NOS1: variants seen among roughly 807,000 people sequenced by gnomAD.
NOS1 encodes NOS type I.
NOS1 carries 51 observed loss-of-function variants against 164.5 expected under a neutral mutation model. That is an observed-to-expected ratio of 0.31 (90% CI 0.25 to 0.39). NOS1 has a LOEUF of 0.39. Among genes scored for constraint, NOS1 ranks in the 10% least tolerant of loss-of-function variants. NOS1 has a pLI of 1.00. For missense variants in NOS1, 1,362 were observed against 1,885.6 expected (o/e 0.72, Z 5.14); for synonymous variants, 719 against 745.8 (o/e 0.96, Z 0.59).
At chr12:117,271,871 A>G (rs1872814136) in intron 10 of NOS1, among the ~76,000 whole-genome samples, 1 of 152,264 alleles carries the variant, frequency 6.6e-6, no homozygotes, top group Non-Finnish European at 1.5e-5. Context: ...AGAAATGCTT[A>G]GAGTGGGGAA....
At chr12:117,302,594 C>CAAAAA (rs144113071) in intron 3 of NOS1, among the ~76,000 whole-genome samples, 1 of 72,922 alleles carries the variant, frequency 1.4e-5, no homozygotes, top group Non-Finnish European at 2.7e-5. Context: ...GACTCCGTCT[C>CAAAAA]AAAAAAAAAA....
intron 1 of NOS1, among the ~76,000 whole-genome samples, chr12:117,337,374 C>A (rs568575153): frequency 6.6e-6 from 1 of 152,216 alleles, no homozygotes; most frequent in South Asian, 2.1e-4. Context: ...CCTTGGCCTC[C>A]CAAAGTGCTG....
At position 117,236,696 on chromosome 12, in the gene NOS1, T is replaced by G. The variant is rs372346640; in HGVS notation, c.3042-1938A>C. Among the ~76,000 whole-genome samples, 7 of 152,298 alleles carry G rather than the reference T, an allele frequency of 4.6e-5. No homozygotes were observed. In the East Asian group the frequency reaches 1.2e-3, roughly 25 times the overall value. On this transcript the variant is annotated intron_variant, in intron 20 of 28. Transcript: ENST00000317775. The stretch of plus-strand genomic sequence containing the variant: ...CTGTGGGGTTTCTAATTTGGGAGCC[T>G]CCTAAGTCTACCCAAAGGAAGCCTT...
intron 17 of NOS1, among the ~76,000 whole-genome samples, chr12:117,248,724 G>C (rs1870853729): frequency 6.6e-6 from 1 of 151,986 alleles, no homozygotes; most frequent in African/African-American, 2.4e-5. Context: ...TAATGGGATG[G>C]CTGGGTCAAA....
intron 3 of NOS1, among the ~76,000 whole-genome samples, chr12:117,298,967 C>A (rs1873609809): frequency 6.6e-6 from 1 of 152,244 alleles, no homozygotes; most frequent in African/African-American, 2.4e-5. Flanking sequence ...CTATTAGAGG[C>A]CTGCAGCAAC....
rs992310939 is a variant in NOS1 at position 117,212,725 on chromosome 12, A to G, written c.*2584T>C. The G allele has an allele frequency of 4.1e-6, 4 of 985,296 alleles. No homozygotes were observed. The highest frequency in any genetic ancestry group is 1.7e-5 in the African/African-American group (1 of 57,224). 61.0% of individuals were successfully genotyped at this position (985,296 alleles called of 1,614,324 possible). The stretch of plus-strand genomic sequence containing the variant: ...TACCCATTGCTTAATTCTATTTTGC[A>G]CTTAAACGGTTGGCTACGAGGCCTG... On this transcript the variant is annotated 3_prime_UTR_variant, in exon 29 of 29. Transcript: ENST00000317775.
intron 7 of NOS1, among the ~76,000 whole-genome samples, chr12:117,284,818 G>A (rs1873972536): frequency 1.3e-5 from 2 of 152,112 alleles, no homozygotes; most frequent in South Asian, 4.1e-4. Context: ...GGGAGGCCGA[G>A]GCGGGTGGAG....
At chr12:117,275,484 A>G (rs989722946) in intron 9 of NOS1, among the ~76,000 whole-genome samples, 2 of 152,180 alleles carry the variant, frequency 1.3e-5, no homozygotes, top group Admixed American at 1.3e-4. Context: ...GGAACAGAGG[A>G]TGCTGGAGGC....
chr12:117,242,932 A>G (rs1310304152), intron 19 of NOS1, among the ~76,000 whole-genome samples: 2 of 152,176 alleles, frequency 1.3e-5, no homozygotes, highest in South Asian at 4.1e-4. Context: ...TTCACCCTCT[A>G]CTGACACTTC....
chr12:117,209,847 C>G lies in NOS1; in HGVS notation c.*5462G>C, dbSNP rs950823585. 15 of 985,488 alleles carry G rather than the reference C, an allele frequency of 1.5e-5. No homozygotes were observed. Among genetic ancestry groups the G allele is most frequent in the Non-Finnish European group, 1.8e-5 (15 of 829,964 alleles). 61.0% of individuals were successfully genotyped at this position (985,488 alleles called of 1,614,324 possible). A position where few individuals can be genotyped will look rare whatever the true frequency, so the allele number is the denominator to read the frequency against. On this transcript the variant is annotated 3_prime_UTR_variant, in exon 29 of 29. Coordinates refer to ENST00000317775, the MANE Select transcript of NOS1 (RefSeq NM_000620.5). Reference sequence around the variant, plus strand: ...GGAGTGTGAGATAAAGGGCAGAGGCCAGGCCAGGTTGGCCTCCAAAGTCAA... The same window carrying G: ...GGAGTGTGAGATAAAGGGCAGAGGCGAGGCCAGGTTGGCCTCCAAAGTCAA...
chr12:117,256,249 G>A (rs2135972695), intron 16 of NOS1, among the ~76,000 whole-genome samples: 1 of 145,476 alleles, frequency 6.9e-6, no homozygotes, highest in African/African-American at 2.6e-5. Context: ...ACGGCAGCAT[G>A]TTCTCTGCAC....
At chr12:117,336,016 C>T (rs1875802839) in intron 1 of NOS1, among the ~76,000 whole-genome samples, 1 of 150,732 alleles carries the variant, frequency 6.6e-6, no homozygotes, top group Admixed American at 6.6e-5. Flanking sequence ...CTTGTAAGCG[C>T]CATTTTTATC....
In NOS1 at chr12:117,267,324, C is replaced by T. The variant is rs9658385; in HGVS notation, c.1941+719G>A. Among the ~76,000 whole-genome samples the T allele has an allele frequency of 2.0e-3, 303 of 152,330 alleles. 3 individuals are homozygous for T. The highest frequency in any genetic ancestry group is 0.016 in the Admixed American group (249 of 15,304). On this transcript the variant is annotated intron_variant, in intron 11 of 28. Transcript: ENST00000317775. ...TGTTGTGGTGGCCAGGCGTGATTCA[C>T]GCCTGTAATCCCAGCACTTTGGGAG...
At chr12:117,239,248 C>G (rs1869972709) in intron 20 of NOS1, among the ~76,000 whole-genome samples, 1 of 152,178 alleles carries the variant, frequency 6.6e-6, no homozygotes, top group Non-Finnish European at 1.5e-5. Context: ...TGCCATTCTC[C>G]CAGACATCCC....
chr12:117,288,063 C>T lies in NOS1; in HGVS notation c.1127+11G>A, dbSNP rs1333432051. ...CTTACCTCGGGCTCCCCGGAATTGA[C>T]ACACACTTGCCTTTTAATTGATGAA... On this transcript the variant is annotated intron_variant, in intron 5 of 28. Coordinates refer to ENST00000317775, the MANE Select transcript of NOS1 (RefSeq NM_000620.5). 6.2e-7 allele frequency: 1 copy of T among 1,613,356 alleles called. No homozygotes were observed. The highest frequency in any genetic ancestry group is 1.3e-5 in the African/African-American group (1 of 74,920).
chr12:117,294,437 C>T (rs1003057971), intron 3 of NOS1, among the ~76,000 whole-genome samples: 2 of 152,158 alleles, frequency 1.3e-5, no homozygotes, highest in African/African-American at 4.8e-5. Flanking sequence ...ATTGGCTGCC[C>T]GAGTGCGAGC....
intron 18 of NOS1, among the ~76,000 whole-genome samples, chr12:117,247,068 G>A (rs767345444): frequency 2.0e-5 from 3 of 152,038 alleles, no homozygotes; most frequent in South Asian, 2.1e-4. Context: ...TGGGAGTGAC[G>A]GATGGCTTCC....
In NOS1 at chr12:117,234,413, A is replaced by G; in HGVS notation, c.3235+152T>C. On this transcript the variant is annotated intron_variant, in intron 21 of 28. Transcript: ENST00000317775. This position sits in a 1 kb window ranked among gnomAD's most constrained non-coding sequence, Gnocchi z 4.3. Reference sequence around the variant, plus strand: ...TGGGCCAAGGTTGATCAGTCATGAGAAAGGGGGATATCTTTAGTCTCATAG... The same window carrying G: ...TGGGCCAAGGTTGATCAGTCATGAGGAAGGGGGATATCTTTAGTCTCATAG... The G allele has an allele frequency of 1.3e-6, 1 of 751,954 alleles. No homozygotes were observed. Among genetic ancestry groups the G allele is most frequent in the Non-Finnish European group, 2.1e-6 (1 of 482,970 alleles). The allele number at this position is 751,954 out of a possible 1,614,324, so 46.6% of individuals were successfully genotyped here.
At chr12:117,335,724 CT>C (rs1371618604) in intron 1 of NOS1, among the ~76,000 whole-genome samples, 1 of 54,960 alleles carries the variant, frequency 1.8e-5, no homozygotes, top group Admixed American at 2.2e-4. Context: ...TTGTTACAGA[CT>C]ATATGAGAGA....
Sources: gnomAD v4.1 joint callset for allele counts (sites outside exome capture counted in the v4.1 genomes callset) on GRCh38, gnomAD v4.1.1 for gene constraint, Gnocchi (gnomAD v3.1) non-coding constraint, MANE v1.5 for transcripts, NCBI Gene and HGNC (gene_info 2026-07-23, HGNC 2026-07-21) for gene names.